Variants in CFAP44 observed in about 807,000 individuals in gnomAD.
CFAP44 encodes cilia and flagella associated protein 44, also known as cilia- and flagella-associated protein 44.
CFAP44 carries 134 observed loss-of-function variants against 216.2 expected under a neutral mutation model. That is an observed-to-expected ratio of 0.62 (90% CI 0.54 to 0.72). The LOEUF (loss-of-function observed/expected upper bound fraction) is 0.72, where lower values mean the gene tolerates loss of function less well. CFAP44 is among the 30% of genes least tolerant of loss of function. The probability of loss-of-function intolerance (pLI) is 0.00; values close to 1 mark genes in which losing one functional copy is unlikely to be tolerated. For missense variants in CFAP44, 2,035 were observed against 2,182.1 expected, an observed-to-expected ratio of 0.93 and a Z score of 1.34; for synonymous variants, 700 against 727.6, an observed-to-expected ratio of 0.96 and a Z score of 0.61.
intron 29 of CFAP44, among the ~76,000 whole-genome samples, chr3:113,307,148 T>C (rs948830475): frequency 6.6e-6 from 1 of 152,214 alleles, no homozygotes; most frequent in Non-Finnish European, 1.5e-5. Context: ...AAACAGTGAA[T>C]GTAAATTGTC....
intron 15 of CFAP44, among the ~76,000 whole-genome samples, chr3:113,387,044 T>C (rs1223016646): frequency 6.6e-6 from 1 of 152,196 alleles, no homozygotes; most frequent in Non-Finnish European, 1.5e-5. Flanking sequence ...ACCTGAGTTC[T>C]GGTAAGCCTC....
At chr3:113,334,501 A>C (rs1333445449) in intron 24 of CFAP44, among the ~76,000 whole-genome samples, 1 of 152,192 alleles carries the variant, frequency 6.6e-6, no homozygotes, top group East Asian at 1.9e-4. Flanking sequence ...TTAATGAATA[A>C]ACCAGACCAA....
chr3:113,416,781 T>C (rs904750117), intron 5 of CFAP44, among the ~76,000 whole-genome samples, 154 bp from the exon 6 acceptor site: 2 of 152,204 alleles, frequency 1.3e-5, no homozygotes, highest in Non-Finnish European at 2.9e-5. Context: ...TATTTAATGA[T>C]GGATACAATT....
chr3:113,343,156 G>T (rs1248360847), intron 23 of CFAP44, among the ~76,000 whole-genome samples: 4 of 150,026 alleles, frequency 2.7e-5, no homozygotes, highest in Non-Finnish European at 5.9e-5. Context: ...CCACCTCTGG[G>T]GTTCAAGTGA....
chr3:113,395,656 G>T (rs1933969475), intron 15 of CFAP44, 94 bp downstream of exon 15: 2 of 1,092,924 alleles, frequency 1.8e-6, no homozygotes, highest in Admixed American at 2.4e-5. Flanking sequence ...ACCAGGAGTG[G>T]GCTAAAAATT....
At chr3:113,363,453 A>T in intron 20 of CFAP44, 24 bp downstream of exon 20, 6 of 1,603,998 alleles carry the variant, frequency 3.7e-6, no homozygotes, top group Non-Finnish European at 5.1e-6. Flanking sequence ...AGGCCTAGTC[A>T]GTATTTATCA....
intron 19 of CFAP44, 138 bp downstream of exon 19, chr3:113,365,901 T>C (rs73235087): frequency 6.3e-4 from 604 of 951,214 alleles, no homozygotes; most frequent in Non-Finnish European, 8.5e-4. Flanking sequence ...AAAGTCAAAT[T>C]ATAATAGTAG....
chr3:113,413,386 T>TAA (rs1200429805), intron 6 of CFAP44, among the ~76,000 whole-genome samples: 13 of 152,240 alleles, frequency 8.5e-5, no homozygotes, highest in Non-Finnish European at 1.0e-4. Flanking sequence ...AACTCTCTTT[T>TAA]GTCAATTTTG....
At chr3:113,367,871 T>C (rs780794346) in intron 18 of CFAP44, among the ~76,000 whole-genome samples, 3 of 152,140 alleles carry the variant, frequency 2.0e-5, no homozygotes, top group Non-Finnish European at 4.4e-5. Context: ...CTAACTAGAA[T>C]GAACAGTGTA....
intron 24 of CFAP44, among the ~76,000 whole-genome samples, chr3:113,340,580 G>A (rs1950323403): frequency 6.6e-6 from 1 of 152,146 alleles, no homozygotes; most frequent in African/African-American, 2.4e-5. Context: ...GGTGTGGCTC[G>A]CTTCTTCAGT....
At chr3:113,336,621 T>A (rs1213865188) in intron 24 of CFAP44, among the ~76,000 whole-genome samples, 2 of 144,898 alleles carry the variant, frequency 1.4e-5, no homozygotes, top group African/African-American at 4.9e-5. Flanking sequence ...AATTCCTTAG[T>A]AAAGCAGAAG....
intron 28 of CFAP44, among the ~76,000 whole-genome samples, chr3:113,311,910 CT>C (rs1950042382): frequency 6.6e-6 from 1 of 152,118 alleles, no homozygotes; most frequent in South Asian, 2.1e-4. Context: ...AGCAAAGAGA[CT>C]GGGGGCATTT....
intron 18 of CFAP44, among the ~76,000 whole-genome samples, chr3:113,369,151 C>A (rs889673685): frequency 1.3e-5 from 2 of 152,138 alleles, no homozygotes; most frequent in Admixed American, 1.3e-4. Flanking sequence ...GACTTTAATA[C>A]CCCACTGTCA....
intron 22 of CFAP44, among the ~76,000 whole-genome samples, chr3:113,350,358 G>C (rs1950432149): frequency 7.1e-6 from 1 of 140,952 alleles, no homozygotes. Flanking sequence ...GAGAGAGTCA[G>C]AGAGAGAGAG....
chr3:113,407,185 T>A (rs1934310141), intron 7 of CFAP44, 144 bp from the exon 8 acceptor site: 2 of 694,908 alleles, frequency 2.9e-6, no homozygotes, highest in Non-Finnish European at 4.9e-6. Flanking sequence ...TTATTAAGTA[T>A]CTACTACCTG....
intron 17 of CFAP44, among the ~76,000 whole-genome samples, chr3:113,377,721 C>T (rs1231216303): frequency 6.6e-6 from 1 of 152,076 alleles, no homozygotes; most frequent in Non-Finnish European, 1.5e-5. Flanking sequence ...GGCACAATCT[C>T]GGCTCACTGC....
chr3:113,419,278 G>C (rs767772174), intron 5 of CFAP44, among the ~76,000 whole-genome samples: 2 of 152,012 alleles, frequency 1.3e-5, no homozygotes, highest in Non-Finnish European at 2.9e-5. Context: ...ACATTATCAT[G>C]TACTTGTGTG....
chr3:113,300,501 T>C (rs902788946), intron 32 of CFAP44, among the ~76,000 whole-genome samples: 1 of 150,546 alleles, frequency 6.6e-6, no homozygotes, highest in Non-Finnish European at 1.5e-5. Flanking sequence ...ATACCTACTA[T>C]GTACCCACAA....
chr3:113,415,267 G>A (rs1201650884), intron 6 of CFAP44, among the ~76,000 whole-genome samples: 2 of 151,376 alleles, frequency 1.3e-5, no homozygotes, highest in African/African-American at 2.4e-5. Context: ...TTCCTTATTA[G>A]TCTAGCTAGT....
Sources: allele counts gnomAD v4.1 joint callset (sites outside exome capture counted in the v4.1 genomes callset), GRCh38; gene constraint gnomAD v4.1.1; transcripts MANE v1.5; gene names NCBI Gene and HGNC (gene_info 2026-07-23, HGNC 2026-07-21).